The following ROBO1 variants were observed in gnomAD, a reference collection of about 807,000 sequenced individuals.
ROBO1 encodes the protein roundabout homolog 1.
Under a neutral mutation model 195.9 loss-of-function variants are expected in ROBO1, and 149 were observed. That is an observed-to-expected ratio of 0.76 (90% CI 0.67 to 0.87). The LOEUF is 0.87. Ranked by LOEUF, ROBO1 falls within the 40% of genes least tolerant of loss-of-function variation. The probability of loss-of-function intolerance (pLI) is 0.00; values close to 1 mark genes in which losing one functional copy is unlikely to be tolerated. For missense variants in ROBO1, 1,933 were observed against 2,068.3 expected, an observed-to-expected ratio of 0.93 and a Z score of 1.27; for synonymous variants, 816 against 733.2, an observed-to-expected ratio of 1.11 and a Z score of -1.82.
intron 4 of ROBO1, among the ~76,000 whole-genome samples, chr3:78,882,441 C>T (rs942677447): frequency 6.6e-6 from 1 of 152,122 alleles, no homozygotes; most frequent in East Asian, 1.9e-4. Context: ...CTTATGTTTC[C>T]GTTCTCATCT....
At chr3:79,434,202 C>A (rs954296034) in intron 2 of ROBO1, among the ~76,000 whole-genome samples, 1 of 152,128 alleles carries the variant, frequency 6.6e-6, no homozygotes, top group Non-Finnish European at 1.5e-5. Context: ...CAGCAAAAGC[C>A]AAAATTGACA....
chr3:78,803,541 C>A (rs1287102129), intron 4 of ROBO1, among the ~76,000 whole-genome samples: 2 of 152,104 alleles, frequency 1.3e-5, no homozygotes, highest in Non-Finnish European at 2.9e-5. Flanking sequence ...TAGTCACTTT[C>A]TACTAGTTCC....
At chr3:78,891,350 T>C (rs1358692588) in intron 4 of ROBO1, among the ~76,000 whole-genome samples, 1 of 135,896 alleles carries the variant, frequency 7.4e-6, no homozygotes, top group Non-Finnish European at 1.7e-5. Flanking sequence ...AATACGCACA[T>C]TTAAAAAAAA....
At chr3:78,989,252 A>T (rs1017721620) in intron 3 of ROBO1, among the ~76,000 whole-genome samples, 2 of 152,220 alleles carry the variant, frequency 1.3e-5, no homozygotes, top group African/African-American at 4.8e-5. Flanking sequence ...TATGTATTAA[A>T]ACATTATTAT....
intron 2 of ROBO1, among the ~76,000 whole-genome samples, chr3:79,416,114 T>C (rs2037990317): frequency 6.6e-6 from 1 of 152,056 alleles, no homozygotes; most frequent in Non-Finnish European, 1.5e-5. Context: ...CTAGTAAGAA[T>C]CAGCCTATTT....
chr3:78,870,358 A>G (rs1007700283), intron 4 of ROBO1, among the ~76,000 whole-genome samples: 1 of 152,004 alleles, frequency 6.6e-6, no homozygotes, highest in Non-Finnish European at 1.5e-5. Flanking sequence ...AAGCTCCCAG[A>G]CTCTCACTTA....
At chr3:78,888,815 T>C (rs574733611) in intron 4 of ROBO1, among the ~76,000 whole-genome samples, 2 of 152,304 alleles carry the variant, frequency 1.3e-5, no homozygotes, top group East Asian at 3.9e-4. Flanking sequence ...GTAAGTCTTA[T>C]AAAAATTCCC....
At chr3:79,762,633 A>ACACACACAC (rs56727083) in intron 1 of ROBO1, among the ~76,000 whole-genome samples, 1,214 of 31,288 alleles carry the variant, frequency 0.039, 12 homozygotes, top group African/African-American at 0.098. Context: ...CACACACACA[A>ACACACACAC]AAGCCGAGAG....
intron 2 of ROBO1, among the ~76,000 whole-genome samples, chr3:79,129,009 G>A (rs758388707): frequency 8.6e-5 from 13 of 151,948 alleles, no homozygotes; most frequent in African/African-American, 3.1e-4. Context: ...TGAGTCCAAG[G>A]CTTCGATTAT....
chr3:79,267,350 T>C (rs2030058374), intron 2 of ROBO1, among the ~76,000 whole-genome samples: 1 of 151,508 alleles, frequency 6.6e-6, no homozygotes. Flanking sequence ...GTCAAACCCA[T>C]TTTAGAACAG....
intron 2 of ROBO1, among the ~76,000 whole-genome samples, chr3:79,289,370 T>A (rs1245003873): frequency 6.6e-6 from 1 of 151,682 alleles, no homozygotes; most frequent in African/African-American, 2.4e-5. Context: ...TATGTGGGGG[T>A]TTTATGTGTG....
chr3:79,589,775 A>C, intron 2 of ROBO1, 49 bp downstream of exon 2: 1 of 1,413,222 alleles, frequency 7.1e-7, no homozygotes, highest in Non-Finnish European at 9.9e-7. Flanking sequence ...ATTTAAAGCA[A>C]AGAGGGAATA....
In ROBO1 at chr3:79,484,107, T is replaced by C. The variant is rs556395745; in HGVS notation, c.88+105717A>G. Among the ~76,000 whole-genome samples, 5 of 152,278 alleles carry C rather than the reference T, an allele frequency of 3.3e-5. No individual in the cohort carries two copies. The South Asian group carries it at 1.0e-3, about 32-fold the overall frequency. On this transcript the variant is annotated intron_variant, in intron 2 of 30. Transcript: ENST00000464233. ...AGGATAGAAACAGCACTGACCTTGA[T>C]CAGATGACCAAAATGTTTGCTTTGT...
At chr3:79,741,886 G>C (rs1055002160) in intron 1 of ROBO1, among the ~76,000 whole-genome samples, 1 of 152,192 alleles carries the variant, frequency 6.6e-6, no homozygotes, top group Admixed American at 6.5e-5. Context: ...TAGCAAAGAG[G>C]CTGGCAGCAC....
chr3:78,721,139 A>G (rs1414299736), intron 5 of ROBO1, among the ~76,000 whole-genome samples: 1 of 152,214 alleles, frequency 6.6e-6, no homozygotes, highest in African/African-American at 2.4e-5. Flanking sequence ...CGAGTTGTAC[A>G]AATGAAAATA....
chr3:78,651,974 AAT>A, intron 18 of ROBO1, 45 bp from the exon 19 acceptor site: 4 of 1,452,528 alleles, frequency 2.8e-6, no homozygotes, highest in Non-Finnish European at 3.8e-6. Context: ...GACTCAATGC[AAT>A]AATGCACGCA....
intron 2 of ROBO1, among the ~76,000 whole-genome samples, chr3:79,432,274 G>A (rs768033549): frequency 4.6e-5 from 7 of 151,892 alleles, no homozygotes; most frequent in Non-Finnish European, 7.4e-5. Context: ...TATATTTCTT[G>A]CCCAAACTGC....
At chr3:78,843,076 T>C (rs966903945) in intron 4 of ROBO1, among the ~76,000 whole-genome samples, 2 of 152,126 alleles carry the variant, frequency 1.3e-5, no homozygotes, top group African/African-American at 2.4e-5. Flanking sequence ...CATGCTACTA[T>C]TTATATGATA....
chr3:79,298,369 C>G (rs1050312665), intron 2 of ROBO1, among the ~76,000 whole-genome samples: 4 of 151,986 alleles, frequency 2.6e-5, no homozygotes, highest in African/African-American at 9.7e-5. Context: ...GTCTGTAACC[C>G]TGGTGAGCTT....
Sources: gnomAD v4.1 joint callset for allele counts (sites outside exome capture counted in the v4.1 genomes callset) on GRCh38, gnomAD v4.1.1 for gene constraint, MANE v1.5 for transcripts, NCBI Gene and HGNC (gene_info 2026-07-23, HGNC 2026-07-21) for gene names.